RAD51B: variants seen among roughly 807,000 people sequenced by gnomAD.
RAD51B encodes the protein DNA repair protein RAD51 homolog 2.
A neutral mutation model predicts 42.2 loss-of-function variants in RAD51B; 38 were observed. The observed-to-expected ratio is 0.90, with a 90% confidence interval of 0.70 to 1.18. RAD51B has a LOEUF of 1.18. Among genes scored for constraint, RAD51B ranks in the 50% most tolerant of loss-of-function variants. The pLI is 0.00. For missense variants in RAD51B, 373 were observed against 400.7 expected (o/e 0.93, Z 0.59); for synonymous variants, 154 against 145.2 (o/e 1.06, Z -0.43).
At chr14:68,157,396 A>G (rs1595485057) in intron 7 of RAD51B, among the ~76,000 whole-genome samples, 1 of 152,254 alleles carries the variant, frequency 6.6e-6, no homozygotes, top group South Asian at 2.1e-4. Flanking sequence ...TAAGCATGTT[A>G]TATGAAAGGG....
At chr14:68,379,608 C>T (rs937669698) in intron 8 of RAD51B, among the ~76,000 whole-genome samples, 7 of 152,066 alleles carry the variant, frequency 4.6e-5, no homozygotes, top group South Asian at 2.1e-4. Context: ...GTAGAAAGAC[C>T]GACAAATGTA....
chr14:68,234,419 G>C (rs537536270), intron 7 of RAD51B, among the ~76,000 whole-genome samples: 1 of 152,362 alleles, frequency 6.6e-6, no homozygotes, highest in Admixed American at 6.5e-5. Context: ...ATAGGAATGT[G>C]TTCTGAGAAA....
At chr14:68,421,872 T>C (rs2084709214) in intron 9 of RAD51B, 1 of 1,592,752 alleles carries the variant, frequency 6.3e-7, no homozygotes, top group Admixed American at 1.7e-5. Context: ...CTGGGAACCA[T>C]TTGTGTTGGG....
intron 7 of RAD51B, among the ~76,000 whole-genome samples, chr14:68,026,666 C>A (rs2075961587): frequency 6.6e-6 from 1 of 151,828 alleles, no homozygotes; most frequent in Non-Finnish European, 1.5e-5. Context: ...AATAGTAACT[C>A]CTGCTTGTTT....
At chr14:67,889,429 T>C (rs1279376470) in intron 7 of RAD51B, among the ~76,000 whole-genome samples, 1 of 150,518 alleles carries the variant, frequency 6.6e-6, no homozygotes, top group East Asian at 1.9e-4. Flanking sequence ...ATATGTTATA[T>C]ATGATAATTT....
At chr14:68,515,975 C>T (rs555304760) in intron 10 of RAD51B, among the ~76,000 whole-genome samples, 15 of 151,772 alleles carry the variant, frequency 9.9e-5, no homozygotes, top group African/African-American at 2.9e-4. Context: ...TTAGTAGAGA[C>T]GGGGTTTCAC....
At chr14:68,281,504 A>G (rs2081318778) in intron 7 of RAD51B, among the ~76,000 whole-genome samples, 1 of 152,202 alleles carries the variant, frequency 6.6e-6, no homozygotes, top group African/African-American at 2.4e-5. Context: ...TACAACTAGT[A>G]GGCAGTGGAG....
chr14:68,175,202 C>T (rs1198288349), intron 7 of RAD51B, among the ~76,000 whole-genome samples: 2 of 152,130 alleles, frequency 1.3e-5, no homozygotes, highest in Admixed American at 6.6e-5. Flanking sequence ...ATTTTCCATG[C>T]TTTTGCTGGC....
chr14:67,975,287 C>G (rs1290103720), intron 7 of RAD51B, among the ~76,000 whole-genome samples: 1 of 152,172 alleles, frequency 6.6e-6, no homozygotes, highest in South Asian at 2.1e-4. Flanking sequence ...CCAATCCTTA[C>G]CCCCATGCTG....
chr14:68,513,369 C>T (rs1885887854), intron 10 of RAD51B, among the ~76,000 whole-genome samples: 1 of 152,116 alleles, frequency 6.6e-6, no homozygotes, highest in African/African-American at 2.4e-5. Flanking sequence ...AGTGTTAAGC[C>T]CAGAAAAAGG....
At chr14:68,018,512 A>G (rs1296802492) in intron 7 of RAD51B, among the ~76,000 whole-genome samples, 1 of 152,238 alleles carries the variant, frequency 6.6e-6, no homozygotes, top group African/African-American at 2.4e-5. Context: ...GCGAGTTTCA[A>G]CAAGGATTAG....
chr14:67,876,422 G>T (rs1217503248), intron 5 of RAD51B, among the ~76,000 whole-genome samples: 1 of 152,102 alleles, frequency 6.6e-6, no homozygotes, highest in East Asian at 1.9e-4. Flanking sequence ...TTTGTACAGG[G>T]TTTTGCTCCT....
chr14:68,048,963 G>A (rs1215395330), intron 7 of RAD51B, among the ~76,000 whole-genome samples: 2 of 152,176 alleles, frequency 1.3e-5, no homozygotes, highest in Non-Finnish European at 1.5e-5. Context: ...CAACCCAAAT[G>A]TCCAACAATG....
intron 10 of RAD51B, among the ~76,000 whole-genome samples, chr14:68,484,617 A>G (rs1319656155): frequency 2.0e-5 from 3 of 152,016 alleles, no homozygotes; most frequent in East Asian, 1.9e-4. Flanking sequence ...TCGGCCTCCC[A>G]AAGTGCTGGG....
At chr14:68,637,075 C>G (rs1454822378) in intron 10 of RAD51B, among the ~76,000 whole-genome samples, 1 of 152,036 alleles carries the variant, frequency 6.6e-6, no homozygotes, top group Non-Finnish European at 1.5e-5. Context: ...GAGTGCCCGT[C>G]ACTCTTAACA....
At chr14:68,132,939 G>T (rs1219579764) in intron 7 of RAD51B, among the ~76,000 whole-genome samples, 1 of 152,132 alleles carries the variant, frequency 6.6e-6, no homozygotes, top group East Asian at 1.9e-4. Flanking sequence ...CAAGGCCAAG[G>T]GGCAGGACCC....
intron 10 of RAD51B, among the ~76,000 whole-genome samples, chr14:68,621,130 C>T (rs1167748044): frequency 6.6e-6 from 1 of 152,222 alleles, no homozygotes; most frequent in East Asian, 1.9e-4. Flanking sequence ...ATCATTCATT[C>T]AATCCTGGGA....
rs568584403 is a variant in RAD51B, at chr14:68,453,804, A to G, written c.958-14368A>G. Among the ~76,000 whole-genome samples the G allele has an allele frequency of 7.2e-5, 11 of 152,312 alleles. No individual in the cohort carries two copies. The South Asian group carries it at 2.3e-3, about 32-fold the overall frequency. On this transcript the variant is annotated intron_variant, in intron 9 of 10. Transcript: ENST00000471583. ...CCGTTTACAAATGCTGTGTATATAC[A>G]TGGTGCTTTTAACTGTATTTTTAGT...
At chr14:68,591,671 T>C (rs1890747032) in intron 10 of RAD51B, among the ~76,000 whole-genome samples, 2 of 151,796 alleles carry the variant, frequency 1.3e-5, no homozygotes, top group South Asian at 4.2e-4. Context: ...TTTTTGTGAG[T>C]GAAAATGAAA....
Sources: gnomAD v4.1 joint callset for allele counts (sites outside exome capture counted in the v4.1 genomes callset) on GRCh38, gnomAD v4.1.1 for gene constraint, MANE v1.5 for transcripts, NCBI Gene and HGNC (gene_info 2026-07-23, HGNC 2026-07-21) for gene names.